Variants in TSPAN9 observed in about 807,000 individuals in gnomAD.
TSPAN9 encodes tetraspanin 9.
Under a neutral mutation model 31.0 loss-of-function variants are expected in TSPAN9, and 16 were observed. That is an observed-to-expected ratio of 0.52 (90% CI 0.35 to 0.78). The LOEUF is 0.78. Among genes scored for constraint, TSPAN9 ranks in the 30% least tolerant of loss-of-function variants. TSPAN9 has a pLI of 0.01. For synonymous variants in TSPAN9, 145 were observed against 121.6 expected, an observed-to-expected ratio of 1.19 and a Z score of -1.27; for missense variants, 272 against 312.5, an observed-to-expected ratio of 0.87 and a Z score of 0.98.
intron 2 of TSPAN9, among the ~76,000 whole-genome samples, chr12:3,106,677 G>T (rs995677962): frequency 4.6e-5 from 7 of 152,110 alleles, no homozygotes; most frequent in African/African-American, 7.2e-5. Context: ...AGGTTGAGGT[G>T]GGGGGATCAC....
intron 3 of TSPAN9, among the ~76,000 whole-genome samples, chr12:3,205,723 C>CCT (rs964013398): frequency 3.0e-5 from 3 of 101,368 alleles, no homozygotes; most frequent in African/African-American, 8.9e-5. Flanking sequence ...CTTAGGCCCC[C>CCT]CCCCCCCAGA....
chr12:3,168,160 C>T lies in TSPAN9; in HGVS notation c.-17-33017C>T, dbSNP rs35859922. Among the ~76,000 whole-genome samples the T allele has an allele frequency of 0.14, 21,076 of 152,228 alleles. 1,786 individuals are homozygous for T. The highest frequency in any genetic ancestry group is 0.2 in the Non-Finnish European group (13,503 of 67,956). ...TTCCACCGTTTAGCTCAGTGCCCTGCAAGGCAGGAGTAGCACCGGTCATCC... is the reference window on the plus strand; with the variant it reads ...TTCCACCGTTTAGCTCAGTGCCCTGTAAGGCAGGAGTAGCACCGGTCATCC... On this transcript the variant is annotated intron_variant, in intron 2 of 8. Transcript: ENST00000011898. The surrounding 1 kb of genome is among the most constrained non-coding windows in gnomAD (Gnocchi z 4.0).
At chr12:3,182,157 T>C (rs1317310235) in intron 2 of TSPAN9, among the ~76,000 whole-genome samples, 1 of 152,014 alleles carries the variant, frequency 6.6e-6, no homozygotes, top group Non-Finnish European at 1.5e-5. Flanking sequence ...CTACCAACCC[T>C]TTCTGAAAGG....
intron 2 of TSPAN9, among the ~76,000 whole-genome samples, chr12:3,169,549 C>T (rs1273168435): frequency 6.6e-6 from 1 of 152,210 alleles, no homozygotes; most frequent in African/African-American, 2.4e-5. Context: ...AATGGTATGA[C>T]AGCCTGGGAA....
chr12:3,188,870 A>G (rs80047115), intron 2 of TSPAN9, among the ~76,000 whole-genome samples: 1,550 of 152,092 alleles, frequency 0.01, 25 homozygotes, highest in African/African-American at 0.035. Context: ...TGTCCGATAC[A>G]TACACTGAGG....
intron 2 of TSPAN9, among the ~76,000 whole-genome samples, chr12:3,117,529 C>T (rs554795508): frequency 7.2e-5 from 11 of 152,074 alleles, no homozygotes; most frequent in African/African-American, 2.7e-4. Context: ...GGGTAAAAAC[C>T]TCATCATTTT....
chr12:3,081,080 C>G (rs1259615765), intron 1 of TSPAN9, among the ~76,000 whole-genome samples: 2 of 152,174 alleles, frequency 1.3e-5, no homozygotes, highest in Non-Finnish European at 2.9e-5. Flanking sequence ...GATAACAATA[C>G]CAAGTACTCA....
At chr12:3,140,299 G>A (rs887696643) in intron 2 of TSPAN9, among the ~76,000 whole-genome samples, 3 of 152,166 alleles carry the variant, frequency 2.0e-5, no homozygotes, top group Non-Finnish European at 4.4e-5. Context: ...TTGGTACCAA[G>A]GAAACTTGTA....
chr12:3,132,075 G>A (rs887286847), intron 2 of TSPAN9, among the ~76,000 whole-genome samples: 1 of 152,180 alleles, frequency 6.6e-6, no homozygotes, highest in Non-Finnish European at 1.5e-5. Flanking sequence ...CAAGGCTCAC[G>A]CATGCTGTAG....
intron 2 of TSPAN9, among the ~76,000 whole-genome samples, chr12:3,089,497 G>C (rs56001229): frequency 6.6e-6 from 1 of 151,684 alleles, no homozygotes; most frequent in African/African-American, 2.4e-5. Flanking sequence ...GGGTTTTACC[G>C]TGTTGGCCAG....
chr12:3,135,097 T>C (rs2153967273), intron 2 of TSPAN9, among the ~76,000 whole-genome samples: 1 of 152,180 alleles, frequency 6.6e-6, no homozygotes, highest in South Asian at 2.1e-4. Context: ...TATTAATTGA[T>C]TGATTGACAG....
intron 3 of TSPAN9, among the ~76,000 whole-genome samples, chr12:3,217,039 A>G (rs919692154): frequency 2.6e-5 from 4 of 152,218 alleles, no homozygotes; most frequent in Non-Finnish European, 4.4e-5. Context: ...TGGCTGAGAG[A>G]CTGCTCAGAG....
intron 3 of TSPAN9, among the ~76,000 whole-genome samples, chr12:3,219,750 C>CCTAAT (rs2098383310): frequency 6.6e-6 from 1 of 150,928 alleles, no homozygotes; most frequent in Admixed American, 6.6e-5. Context: ...AGGAGAAATA[C>CCTAAT]CTAATGTAGA....
intron 2 of TSPAN9, among the ~76,000 whole-genome samples, chr12:3,178,946 G>A (rs988713383): frequency 2.0e-5 from 3 of 152,174 alleles, no homozygotes; most frequent in Non-Finnish European, 4.4e-5. Context: ...ATCACATGTG[G>A]GGATCTGGTT....
intron 3 of TSPAN9, among the ~76,000 whole-genome samples, chr12:3,250,190 C>T (rs1189131889): frequency 6.6e-6 from 1 of 152,124 alleles, no homozygotes; most frequent in East Asian, 1.9e-4. Context: ...TGGATCTTAG[C>T]CATGTTTTTA....
intron 3 of TSPAN9, among the ~76,000 whole-genome samples, chr12:3,273,800 C>G (rs1201311254): frequency 6.6e-6 from 1 of 152,226 alleles, no homozygotes; most frequent in Non-Finnish European, 1.5e-5. Flanking sequence ...GCGGGGCAGG[C>G]CTGGCTCACC....
chr12:3,161,606 G>A (rs2098345254), intron 2 of TSPAN9, among the ~76,000 whole-genome samples: 1 of 152,166 alleles, frequency 6.6e-6, no homozygotes, highest in Non-Finnish European at 1.5e-5. Context: ...CTTGGAAAAT[G>A]CCCTTTCCTG....
At position 3,123,592 on chromosome 12, in the gene TSPAN9, T is replaced by C. The variant is rs1191109958; in HGVS notation, c.-18+39873T>C. 2.7e-5 allele frequency among the ~76,000 whole-genome samples: 4 copies of C among 150,792 alleles called. No homozygotes were observed. In the East Asian group the frequency reaches 7.8e-4, roughly 29 times the overall value. On this transcript the variant is annotated intron_variant, in intron 2 of 8. Coordinates refer to ENST00000011898, the MANE Select transcript of TSPAN9 (RefSeq NM_006675.5). Reference sequence around the variant, plus strand: ...TTAATCTCCTCCAGTGTGTGGAGGATTAAACAATTTTTTGGTGGGTTTATT... The same window carrying C: ...TTAATCTCCTCCAGTGTGTGGAGGACTAAACAATTTTTTGGTGGGTTTATT...
At chr12:3,209,883 C>G (rs931412946) in intron 3 of TSPAN9, among the ~76,000 whole-genome samples, 9 of 150,126 alleles carry the variant, frequency 6.0e-5, no homozygotes, top group African/African-American at 2.0e-4. Flanking sequence ...GGCATGAACC[C>G]TGGAGGCAGA....
Sources: gnomAD v4.1 joint callset for allele counts (sites outside exome capture counted in the v4.1 genomes callset) on GRCh38, gnomAD v4.1.1 for gene constraint, Gnocchi (gnomAD v3.1) non-coding constraint, MANE v1.5 for transcripts, NCBI Gene and HGNC (gene_info 2026-07-23, HGNC 2026-07-21) for gene names.